NDST4: variants seen among roughly 807,000 people sequenced by gnomAD.
The protein encoded by NDST4 is N-heparan sulfate sulfotransferase 4.
A neutral mutation model predicts 100.8 loss-of-function variants in NDST4; 63 were observed. That is an observed-to-expected ratio of 0.62 (90% CI 0.51 to 0.77). The LOEUF is 0.77. Among genes scored for constraint, NDST4 ranks in the 30% least tolerant of loss-of-function variants. NDST4 has a pLI of 0.00. For synonymous variants in NDST4, 377 were observed against 361.8 expected, an observed-to-expected ratio of 1.04 and a Z score of -0.48; for missense variants, 943 against 1,018.4, an observed-to-expected ratio of 0.93 and a Z score of 1.01.
At chr4:115,009,356 A>G (rs1727491308) in intron 2 of NDST4, among the ~76,000 whole-genome samples, 1 of 128,096 alleles carries the variant, frequency 7.8e-6, no homozygotes, top group South Asian at 3.0e-4. Context: ...AATGGAACAG[A>G]ACAGAGCCCT....
intron 1 of NDST4, among the ~76,000 whole-genome samples, chr4:115,097,784 G>T (rs1729650412): frequency 6.6e-6 from 1 of 152,028 alleles, no homozygotes; most frequent in Non-Finnish European, 1.5e-5. Context: ...TTCACAGAGT[G>T]GTCCACACAG....
chr4:115,064,394 A>T (rs1409807480), intron 2 of NDST4, among the ~76,000 whole-genome samples: 1 of 151,944 alleles, frequency 6.6e-6, no homozygotes, highest in Admixed American at 6.6e-5. Flanking sequence ...TTGACACTTA[A>T]CCCCTATACA....
chr4:115,107,940 T>C (rs1467904952), intron 1 of NDST4, among the ~76,000 whole-genome samples: 1 of 152,000 alleles, frequency 6.6e-6, no homozygotes, highest in Non-Finnish European at 1.5e-5. Flanking sequence ...ATCAAGAAAA[T>C]GTCCTGTTTC....
chr4:114,924,470 T>C (rs929889100), intron 6 of NDST4, among the ~76,000 whole-genome samples: 1 of 148,078 alleles, frequency 6.8e-6, no homozygotes, highest in Non-Finnish European at 1.5e-5. Flanking sequence ...AAAAAAAAGG[T>C]GACTGTAGGT....
chr4:115,029,701 G>C (rs759121227), intron 2 of NDST4, among the ~76,000 whole-genome samples: 2 of 152,124 alleles, frequency 1.3e-5, no homozygotes, highest in Non-Finnish European at 2.9e-5. Context: ...AATGCCCATG[G>C]TGGTAAAGGA....
intron 6 of NDST4, among the ~76,000 whole-genome samples, chr4:114,902,284 T>C (rs1449837847): frequency 1.3e-5 from 2 of 152,018 alleles, no homozygotes; most frequent in Admixed American, 1.3e-4. Flanking sequence ...TGGCAACAAA[T>C]TCCCTCCATT....
intron 1 of NDST4, among the ~76,000 whole-genome samples, chr4:115,107,178 G>A (rs1240635547): frequency 6.6e-6 from 1 of 151,188 alleles, no homozygotes; most frequent in Non-Finnish European, 1.5e-5. Flanking sequence ...AATTAAAGAA[G>A]GAAATAAATA....
intron 1 of NDST4, among the ~76,000 whole-genome samples, chr4:115,102,704 C>CTTTCT (rs1729755730): frequency 2.2e-5 from 2 of 90,578 alleles, no homozygotes; most frequent in African/African-American, 4.8e-5. Context: ...TTCTGACTTC[C>CTTTCT]TTTTTTTTTT....
At chr4:114,914,990 T>C (rs1433257760) in intron 6 of NDST4, among the ~76,000 whole-genome samples, 2 of 152,180 alleles carry the variant, frequency 1.3e-5, no homozygotes, top group Non-Finnish European at 2.9e-5. Context: ...ATCTGATCTT[T>C]ATTTTCCCTT....
At chr4:115,017,455 T>C (rs539555301) in intron 2 of NDST4, among the ~76,000 whole-genome samples, 53 of 152,174 alleles carry the variant, frequency 3.5e-4, no homozygotes, top group African/African-American at 1.3e-3. Context: ...TTACATAGAA[T>C]ACTATTTTAT....
chr4:114,974,066 A>G (rs972404150), intron 3 of NDST4, among the ~76,000 whole-genome samples: 4 of 152,002 alleles, frequency 2.6e-5, no homozygotes, highest in African/African-American at 7.2e-5. Flanking sequence ...AAAATTAATA[A>G]TAAACATTTA....
At chr4:114,864,409 AT>A (rs201564151) in intron 7 of NDST4, among the ~76,000 whole-genome samples, 1 of 151,972 alleles carries the variant, frequency 6.6e-6, no homozygotes, top group Non-Finnish European at 1.5e-5. Context: ...TTGTTTCTTA[AT>A]TTTTTCTGCT....
intron 6 of NDST4, among the ~76,000 whole-genome samples, chr4:114,926,799 C>T (rs1398319400): frequency 6.6e-6 from 1 of 152,054 alleles, no homozygotes; most frequent in Non-Finnish European, 1.5e-5. Flanking sequence ...TTATTTAATC[C>T]AGTTTCCTTC....
chr4:115,068,552 T>C (rs1254249222), intron 2 of NDST4, among the ~76,000 whole-genome samples: 4 of 150,752 alleles, frequency 2.7e-5, no homozygotes, highest in Admixed American at 6.7e-5. Context: ...CTCATGCCTG[T>C]AAACCCAGCA....
intron 2 of NDST4, among the ~76,000 whole-genome samples, chr4:114,979,447 T>C (rs377736403): frequency 6.0e-5 from 9 of 150,702 alleles, no homozygotes; most frequent in Non-Finnish European, 1.3e-4. Flanking sequence ...TAAGGTTTGA[T>C]GTATCCAAAG....
rs996802436 is a variant in NDST4, at chr4:114,873,623, T to A, written c.1537-2673A>T. Among the ~76,000 whole-genome samples the A allele has an allele frequency of 4.6e-5, 7 of 152,154 alleles. 1 individual carries two copies. The South Asian group carries it at 1.5e-3, about 32-fold the overall frequency. On this transcript the variant is annotated intron_variant, in intron 6 of 13. Transcript: ENST00000264363. ...GCAGGACTTAGTTACAGAGTTTCTG[T>A]AACATAGCATGGTATCAGTAGTTGA...
chr4:114,962,103 A>C (rs533216528), intron 4 of NDST4, among the ~76,000 whole-genome samples: 2 of 152,214 alleles, frequency 1.3e-5, no homozygotes, highest in East Asian at 3.9e-4. Flanking sequence ...AACAAATCCA[A>C]CATCCTTCTA....
chr4:114,901,567 GT>G lies in NDST4; in HGVS notation c.1537-30618del, dbSNP rs550034556. 6.0e-3 allele frequency among the ~76,000 whole-genome samples: 913 copies of G among 151,862 alleles called. 9 individuals carry two copies. Among genetic ancestry groups the G allele is most frequent in the Non-Finnish European group, 4.6e-3 (315 of 67,840 alleles). On this transcript the variant is annotated intron_variant, in intron 6 of 13. Transcript: ENST00000264363. ...TGTAGACGACATATAGTTGGGGCTTGTTTTTTTATCCACTCTGACAATCTCT... is the reference window on the plus strand; with the variant it reads ...TGTAGACGACATATAGTTGGGGCTTGTTTTTTATCCACTCTGACAATCTCT...
At chr4:115,094,452 C>T in intron 1 of NDST4, among the ~76,000 whole-genome samples, 1 of 151,398 alleles carries the variant, frequency 6.6e-6, no homozygotes, top group East Asian at 1.9e-4. Context: ...AGAGAAAACA[C>T]AAAAAAAATT....
Sources: allele counts gnomAD v4.1 joint callset (sites outside exome capture counted in the v4.1 genomes callset), GRCh38; gene constraint gnomAD v4.1.1; transcripts MANE v1.5; gene names NCBI Gene and HGNC (gene_info 2026-07-23, HGNC 2026-07-21).